SLC10A7: variants seen among roughly 807,000 people sequenced by gnomAD.
SLC10A7 encodes the protein solute carrier family 10 member 7, also known as sodium/bile acid cotransporter 7.
In SLC10A7, 29 loss-of-function variants were observed where a neutral mutation model predicts 43.2. The ratio of observed to expected loss-of-function variants is 0.67; its 90% CI spans 0.50 to 0.92. The LOEUF is 0.92. Among genes scored for constraint, SLC10A7 ranks in the 40% least tolerant of loss-of-function variants. The pLI is 0.00. For missense variants in SLC10A7, 295 were observed against 403.2 expected (o/e 0.73, Z 2.30); for synonymous variants, 152 against 144.8 (o/e 1.05, Z -0.35).
At chr4:146,486,495 T>G (rs1421461804) in intron 4 of SLC10A7, among the ~76,000 whole-genome samples, 1 of 152,230 alleles carries the variant, frequency 6.6e-6, no homozygotes, top group East Asian at 1.9e-4. Flanking sequence ...ATAAGGTTTC[T>G]AATGCTGCAG....
intron 5 of SLC10A7, among the ~76,000 whole-genome samples, chr4:146,422,157 A>T (rs1223048887): frequency 2.0e-5 from 3 of 152,232 alleles, no homozygotes; most frequent in Non-Finnish European, 4.4e-5. Context: ...ATAGATCAAG[A>T]TCTAATTTAT....
Position 146,516,779 on chromosome 4 carries a change from A to G in SLC10A7, c.183+259T>C, listed in dbSNP as rs1175789529. On this transcript the variant is annotated intron_variant, in intron 2 of 11. Coordinates refer to ENST00000335472, the MANE Select transcript of SLC10A7 (RefSeq NM_001029998.6). ...ATAAGTTGAGGAAGAACTAAAGTAG[A>G]TGCTTCAGTTCAGCTGTCATATTAA... Among the ~76,000 whole-genome samples the G allele has an allele frequency of 2.6e-5, 4 of 152,096 alleles. No homozygotes were observed. The East Asian group carries it at 7.7e-4, about 29-fold the overall frequency.
rs74484359 is a variant in SLC10A7, at chr4:146,520,036, A to G, written c.100+1582T>C. Among the ~76,000 whole-genome samples, 134 of 152,324 alleles carry G rather than the reference A, an allele frequency of 8.8e-4. 2 individuals are homozygous for G. The South Asian group carries it at 0.014, about 16-fold the overall frequency. ...GCCACTGCAGAAAAGCCCCACGGAA[A>G]TGATTCAGCATTCAACACCTTTCTT... On this transcript the variant is annotated intron_variant, in intron 1 of 11. Transcript: ENST00000335472.
intron 5 of SLC10A7, among the ~76,000 whole-genome samples, chr4:146,377,319 A>G (rs1462877733): frequency 1.3e-5 from 2 of 152,174 alleles, no homozygotes; most frequent in African/African-American, 4.8e-5. Flanking sequence ...AGGTACCAAG[A>G]GGGCAGGATG....
chr4:146,350,340 G>C (rs930004948), intron 5 of SLC10A7, among the ~76,000 whole-genome samples: 2 of 151,130 alleles, frequency 1.3e-5, no homozygotes, highest in African/African-American at 4.9e-5. Context: ...AAAAAACGGC[G>C]CACCACGAGA....
intron 5 of SLC10A7, among the ~76,000 whole-genome samples, chr4:146,332,673 A>G (rs2149715358): frequency 6.6e-6 from 1 of 152,298 alleles, no homozygotes. Context: ...CCATAAGCCA[A>G]TTAAGCCTCT....
At chr4:146,329,309 T>C (rs1733372971) in intron 5 of SLC10A7, among the ~76,000 whole-genome samples, 1 of 152,232 alleles carries the variant, frequency 6.6e-6, no homozygotes, top group African/African-American at 2.4e-5. Flanking sequence ...CCAGGAGGCA[T>C]TCACTTTGAG....
chr4:146,477,760 A>C (rs1025344288), intron 4 of SLC10A7: 7 of 152,202 alleles, frequency 4.6e-5, no homozygotes, highest in African/African-American at 1.7e-4. Flanking sequence ...AAAACAGATA[A>C]AAGTTGAAAT....
chr4:146,379,809 T>C (rs1737473529), intron 5 of SLC10A7, among the ~76,000 whole-genome samples: 2 of 152,206 alleles, frequency 1.3e-5, no homozygotes, highest in South Asian at 2.1e-4. Context: ...ATATCAGATA[T>C]ATTATTCCTA....
chr4:146,368,431 T>C (rs2149774487), intron 5 of SLC10A7, among the ~76,000 whole-genome samples: 1 of 152,306 alleles, frequency 6.6e-6, no homozygotes, highest in Non-Finnish European at 1.5e-5. Flanking sequence ...TTAACCAGAC[T>C]GCCAAAAATC....
intron 4 of SLC10A7, among the ~76,000 whole-genome samples, chr4:146,481,361 C>A (rs369897089): frequency 1.3e-5 from 2 of 152,324 alleles, no homozygotes; most frequent in Admixed American, 1.3e-4. Context: ...CTGTGCCCCA[C>A]GCCCCACAAG....
At chr4:146,367,920 A>G (rs1302717197) in intron 5 of SLC10A7, among the ~76,000 whole-genome samples, 1 of 152,226 alleles carries the variant, frequency 6.6e-6, no homozygotes, top group East Asian at 1.9e-4. Context: ...GAACAATAGC[A>G]AGTGACAAAG....
At chr4:146,328,889 C>CA (rs1560803356) in intron 5 of SLC10A7, among the ~76,000 whole-genome samples, 5 of 151,902 alleles carry the variant, frequency 3.3e-5, no homozygotes, top group African/African-American at 7.3e-5. Context: ...GCAGTAAGGA[C>CA]AAAAAATATG....
At chr4:146,305,678 C>A (rs1203513462) in intron 7 of SLC10A7, among the ~76,000 whole-genome samples, 1 of 151,932 alleles carries the variant, frequency 6.6e-6, no homozygotes, top group Admixed American at 6.6e-5. Flanking sequence ...AATCAAGACT[C>A]TGTGTAGAAG....
chr4:146,513,226 G>A (rs533292073), intron 2 of SLC10A7, among the ~76,000 whole-genome samples: 13 of 151,500 alleles, frequency 8.6e-5, no homozygotes, highest in African/African-American at 1.9e-4. Flanking sequence ...AGTAAGTAAC[G>A]TATACATTTT....
intron 5 of SLC10A7, among the ~76,000 whole-genome samples, chr4:146,384,867 T>C (rs1236340554): frequency 6.6e-6 from 1 of 152,120 alleles, no homozygotes; most frequent in Non-Finnish European, 1.5e-5. Flanking sequence ...TTTACATTTA[T>C]ACACTGCTTT....
intron 4 of SLC10A7, among the ~76,000 whole-genome samples, chr4:146,467,005 G>T (rs1443687570): frequency 6.6e-6 from 1 of 152,174 alleles, no homozygotes; most frequent in East Asian, 1.9e-4. Flanking sequence ...CTGGTAGTAA[G>T]CTTGGATAGA....
At chr4:146,404,894 G>C (rs559428102) in intron 5 of SLC10A7, among the ~76,000 whole-genome samples, 5 of 152,268 alleles carry the variant, frequency 3.3e-5, no homozygotes, top group African/African-American at 1.2e-4. Context: ...GTTATTGACA[G>C]TTTTGTTTGT....
chr4:146,517,017 G>A, intron 2 of SLC10A7, 21 bp downstream of exon 2: 1 of 1,529,944 alleles, frequency 6.5e-7, no homozygotes, highest in African/African-American at 1.4e-5. Context: ...TGCTTTTCAT[G>A]TGTCCCATAG....
Sources: allele counts gnomAD v4.1 joint callset (sites outside exome capture counted in the v4.1 genomes callset), GRCh38; gene constraint gnomAD v4.1.1; transcripts MANE v1.5; gene names NCBI Gene and HGNC (gene_info 2026-07-23, HGNC 2026-07-21).